The following DOK6 variants were observed in gnomAD, a reference collection of about 807,000 sequenced individuals.
DOK6 encodes the protein downstream of tyrosine kinase 6.
In DOK6, 22 loss-of-function variants were observed where a neutral mutation model predicts 44.0. The ratio of observed to expected loss-of-function variants is 0.50; its 90% CI spans 0.36 to 0.71. DOK6 has a LOEUF of 0.71. Among genes scored for constraint, DOK6 ranks in the 30% least tolerant of loss-of-function variants. The pLI, the probability that DOK6 is intolerant of heterozygous loss-of-function variation, is 0.00. For missense variants in DOK6, 340 were observed against 416.4 expected, an observed-to-expected ratio of 0.82 and a Z score of 1.60; for synonymous variants, 166 against 145.5, an observed-to-expected ratio of 1.14 and a Z score of -1.01.
At chr18:69,414,053 C>T (rs1044317395) in intron 1 of DOK6, among the ~76,000 whole-genome samples, 1 of 151,994 alleles carries the variant, frequency 6.6e-6, no homozygotes, top group Non-Finnish European at 1.5e-5. Context: ...TCATTACACA[C>T]CTATTGGAAA....
chr18:69,540,837 C>G lies in DOK6; in HGVS notation c.67-23650C>G, dbSNP rs138123556. 3.1e-3 allele frequency among the ~76,000 whole-genome samples: 474 copies of G among 152,124 alleles called. 2 individuals are homozygous for G. The highest frequency in any genetic ancestry group is 5.9e-3 in the Non-Finnish European group (402 of 67,956). On this transcript the variant is annotated intron_variant, in intron 1 of 7. Transcript: ENST00000382713. ...TCACCTAAAGTTATTTTAGCTCTTACTTTGTAATATTTCTCTCTTTCATTT... is the reference window on the plus strand; with the variant it reads ...TCACCTAAAGTTATTTTAGCTCTTAGTTTGTAATATTTCTCTCTTTCATTT...
intron 7 of DOK6, among the ~76,000 whole-genome samples, chr18:69,796,532 A>C (rs8085426): frequency 0.19 from 29,668 of 152,194 alleles, 3,076 homozygotes; most frequent in East Asian, 0.28. Flanking sequence ...GGTATTAACA[A>C]ACCTATCCTT....
At chr18:69,475,141 T>C (rs1379184879) in intron 1 of DOK6, among the ~76,000 whole-genome samples, 1 of 152,196 alleles carries the variant, frequency 6.6e-6, no homozygotes, top group East Asian at 1.9e-4. Flanking sequence ...ATTTTAGGAA[T>C]TTAATCAACT....
chr18:69,749,486 G>C (rs1322411864), intron 6 of DOK6, among the ~76,000 whole-genome samples: 2 of 152,070 alleles, frequency 1.3e-5, no homozygotes. Context: ...CAAAAGCATA[G>C]AGCAGAATCA....
intron 7 of DOK6, among the ~76,000 whole-genome samples, chr18:69,805,667 C>G (rs1981032340): frequency 1.3e-5 from 2 of 152,044 alleles, no homozygotes; most frequent in South Asian, 4.2e-4. Flanking sequence ...CCAAACAGAC[C>G]ATAGTATTTC....
intron 1 of DOK6, among the ~76,000 whole-genome samples, chr18:69,476,837 G>A (rs1284619326): frequency 2.0e-5 from 3 of 152,148 alleles, no homozygotes; most frequent in African/African-American, 7.2e-5. Flanking sequence ...TGGAAGCATG[G>A]AACATACTCA....
intron 1 of DOK6, among the ~76,000 whole-genome samples, chr18:69,450,646 A>C (rs1432722124): frequency 6.6e-6 from 1 of 152,088 alleles, no homozygotes; most frequent in Non-Finnish European, 1.5e-5. Flanking sequence ...AAACATGTTA[A>C]GGGCAGCCAG....
At chr18:69,706,712 T>G (rs1986644649) in intron 5 of DOK6, among the ~76,000 whole-genome samples, 1 of 116,010 alleles carries the variant, frequency 8.6e-6, no homozygotes, top group Non-Finnish European at 1.7e-5. Context: ...GTCCCCAGAG[T>G]GTGATGTTCC....
At chr18:69,709,146 A>G (rs757592749) in intron 5 of DOK6, among the ~76,000 whole-genome samples, 2 of 152,134 alleles carry the variant, frequency 1.3e-5, no homozygotes, top group Admixed American at 6.5e-5. Flanking sequence ...AAGCAAGTTC[A>G]TGTGCCCTTC....
At chr18:69,827,157 A>G (rs1156664443) in intron 7 of DOK6, among the ~76,000 whole-genome samples, 1 of 152,088 alleles carries the variant, frequency 6.6e-6, no homozygotes. Context: ...CCAATCACTC[A>G]CTTTCTTAAA....
intron 1 of DOK6, among the ~76,000 whole-genome samples, chr18:69,455,543 CTCTG>C (rs1185887846): frequency 6.6e-6 from 1 of 152,242 alleles, no homozygotes. Context: ...CTGTCTTTCA[CTCTG>C]TCTCTGATAT....
chr18:69,612,330 T>G (rs971832150), intron 3 of DOK6, among the ~76,000 whole-genome samples: 1 of 99,318 alleles, frequency 1.0e-5, no homozygotes, highest in Non-Finnish European at 2.1e-5. Flanking sequence ...AGAAACTAAC[T>G]ACAAAACCAA....
At chr18:69,434,954 G>GGGAAGGAAGGAAGGAAGGAAGGAAGGAA (rs1167985373) in intron 1 of DOK6, among the ~76,000 whole-genome samples, 2 of 62,924 alleles carry the variant, frequency 3.2e-5, no homozygotes, top group Non-Finnish European at 3.4e-5. Context: ...GAGGGAGGGA[G>GGGAAGGAAGGAAGGAAGGAAGGAAGGAA]GGAAGGAAGG....
intron 1 of DOK6, among the ~76,000 whole-genome samples, chr18:69,428,181 G>T (rs1480253815): frequency 6.6e-6 from 1 of 151,826 alleles, no homozygotes; most frequent in African/African-American, 2.4e-5. Flanking sequence ...AAAATATAGA[G>T]AATATGGTTT....
intron 1 of DOK6, among the ~76,000 whole-genome samples, chr18:69,408,556 AGAT>A (rs1416841885): frequency 1.3e-5 from 2 of 152,190 alleles, no homozygotes; most frequent in Admixed American, 6.5e-5. Context: ...TATTTATGGA[AGAT>A]GATATTTTAT....
chr18:69,707,125 C>G (rs1417212639), intron 5 of DOK6, among the ~76,000 whole-genome samples: 2 of 152,274 alleles, frequency 1.3e-5, no homozygotes, highest in Admixed American at 1.3e-4. Context: ...ATCCAACTTA[C>G]AAGGGACGTG....
chr18:69,743,091 C>T (rs1476551937), intron 6 of DOK6, among the ~76,000 whole-genome samples: 1 of 152,176 alleles, frequency 6.6e-6, no homozygotes, highest in Non-Finnish European at 1.5e-5. Context: ...TAAGGAGTCT[C>T]TATACCTTCT....
At chr18:69,638,000 C>T (rs557850370) in intron 3 of DOK6, among the ~76,000 whole-genome samples, 8 of 152,182 alleles carry the variant, frequency 5.3e-5, no homozygotes, top group Admixed American at 4.6e-4. Context: ...GAGCGTCGTA[C>T]TCTAGGCCCA....
chr18:69,736,561 AAC>A (rs139560489), intron 5 of DOK6, among the ~76,000 whole-genome samples: 5,333 of 152,314 alleles, frequency 0.035, 113 homozygotes, highest in Non-Finnish European at 0.052. Context: ...AGTCAGGACA[AAC>A]ACACGTCATC....
Sources: gnomAD v4.1 joint callset for allele counts (sites outside exome capture counted in the v4.1 genomes callset) on GRCh38, gnomAD v4.1.1 for gene constraint, MANE v1.5 for transcripts, NCBI Gene and HGNC (gene_info 2026-07-23, HGNC 2026-07-21) for gene names.